FSTL5: variants seen among roughly 807,000 people sequenced by gnomAD.
FSTL5 encodes the protein follistatin-related protein 5.
Under a neutral mutation model 89.1 loss-of-function variants are expected in FSTL5, and 62 were observed. The ratio of observed to expected loss-of-function variants is 0.70; its 90% CI spans 0.57 to 0.86. The LOEUF (loss-of-function observed/expected upper bound fraction) is 0.86. Among genes scored for constraint, FSTL5 ranks in the 40% least tolerant of loss-of-function variants. The probability of loss-of-function intolerance (pLI) is 0.00; values close to 1 mark genes in which losing one functional copy is unlikely to be tolerated. For synonymous variants in FSTL5, 383 were observed against 346.2 expected (o/e 1.11, Z -1.18); for missense variants, 1,057 against 1,001.6 (o/e 1.06, Z -0.75).
rs760865732 is a variant in FSTL5 at position 161,459,227 on chromosome 4, T to G, written c.1701A>C (p.Thr567=). Reference sequence around the variant, plus strand: ...ATGTACTTACCTGTAGTGTTGGTGATGTCTTCTCCAAGGTACCCCAGCTTA... The same window carrying G: ...ATGTACTTACCTGTAGTGTTGGTGAGGTCTTCTCCAAGGTACCCCAGCTTA... ...WVLSWGTLEK[T]SPTLQVITLA... is the part of the protein sequence containing the mutation. Residue 567 remains threonine (T), a synonymous_variant, in exon 14 of 16, where the codon ACA becomes ACC. Transcript: ENST00000306100. The G allele has an allele frequency of 1.3e-6, 2 of 1,596,794 alleles. No homozygotes were observed. Among genetic ancestry groups the G allele is most frequent in the Non-Finnish European group, 1.7e-6 (2 of 1,164,348 alleles).
At chr4:161,808,823 T>C (rs1730052295) in intron 4 of FSTL5, among the ~76,000 whole-genome samples, 1 of 152,172 alleles carries the variant, frequency 6.6e-6, no homozygotes, top group Non-Finnish European at 1.5e-5. Context: ...AATCACTTGA[T>C]TTAAAAAGTG....
chr4:162,116,600 G>C (rs984732074), intron 1 of FSTL5, among the ~76,000 whole-genome samples: 28 of 152,094 alleles, frequency 1.8e-4, no homozygotes, highest in African/African-American at 6.8e-4. Flanking sequence ...GGCTACATCA[G>C]GAATAAGGGG....
intron 4 of FSTL5, among the ~76,000 whole-genome samples, chr4:161,890,569 C>A (rs988832359): frequency 1.3e-5 from 2 of 151,072 alleles, no homozygotes; most frequent in African/African-American, 4.9e-5. Flanking sequence ...GTGCCTATAA[C>A]CCCAGCTACT....
chr4:161,882,142 T>C (rs1251438075), intron 4 of FSTL5, among the ~76,000 whole-genome samples: 4 of 152,132 alleles, frequency 2.6e-5, no homozygotes, highest in African/African-American at 9.7e-5. Flanking sequence ...ATCTAATATA[T>C]TAAAGCCCTT....
In FSTL5 at chr4:161,836,230, C is replaced by G. The variant is rs144312840; in HGVS notation, c.410-60156G>C. ...CAAAAAAACAACCACTGCATATTCT[C>G]ACTCATAGGTGGGAATTGAACAATG... On this transcript the variant is annotated intron_variant, in intron 4 of 15. Transcript: ENST00000306100. Among the ~76,000 whole-genome samples, 455 of 141,974 alleles carry G rather than the reference C, an allele frequency of 3.2e-3. 5 individuals are homozygous for G. The highest frequency in any genetic ancestry group is 0.011 in the African/African-American group (427 of 37,798). 93.1% of individuals were successfully genotyped at this position (141,974 alleles called of 152,430 possible). A position where few individuals can be genotyped will look rare whatever the true frequency, so the allele number is the denominator to read the frequency against.
intron 3 of FSTL5, among the ~76,000 whole-genome samples, chr4:162,002,968 C>T (rs756774548): frequency 6.6e-6 from 1 of 151,916 alleles, no homozygotes; most frequent in African/African-American, 2.4e-5. Flanking sequence ...CACAGTGAAA[C>T]CCCGTCTCTA....
intron 7 of FSTL5, among the ~76,000 whole-genome samples, chr4:161,590,074 C>G (rs991032804): frequency 1.3e-5 from 2 of 151,962 alleles, no homozygotes; most frequent in East Asian, 1.9e-4. Context: ...ATACAACATA[C>G]CAAAGAAAAA....
At chr4:161,522,566 CATAT>C (rs1731075390) in intron 10 of FSTL5, among the ~76,000 whole-genome samples, 1 of 151,270 alleles carries the variant, frequency 6.6e-6, no homozygotes, top group African/African-American at 2.4e-5. Context: ...ATATTACATA[CATAT>C]ATAATTTTTT....
At chr4:161,559,215 G>A (rs1406628066) in intron 8 of FSTL5, among the ~76,000 whole-genome samples, 5 of 151,854 alleles carry the variant, frequency 3.3e-5, no homozygotes, top group Non-Finnish European at 7.4e-5. Flanking sequence ...CTGCATTGAT[G>A]TTTCTAATCT....
At chr4:161,635,881 G>A (rs1735670259) in intron 7 of FSTL5, among the ~76,000 whole-genome samples, 2 of 152,104 alleles carry the variant, frequency 1.3e-5, no homozygotes, top group South Asian at 2.1e-4. Flanking sequence ...GTAAAAAGCA[G>A]TAATTTGTAA....
rs1160079126 is a variant in FSTL5, at chr4:162,111,402, T to C, written c.-6A>G. The C allele has an allele frequency of 2.5e-6, 4 of 1,604,710 alleles. No individual in the cohort carries two copies. Among genetic ancestry groups the C allele is most frequent in the East Asian group, 2.2e-5 (1 of 44,692 alleles). ...ACTGACCAGCACTTAAACATCCTTA[T>C]TGCTTTTCACCTGTCAAAATTAAAA... On this transcript the variant is annotated 5_prime_UTR_variant, in exon 2 of 16. Coordinates refer to ENST00000306100, the MANE Select transcript of FSTL5 (RefSeq NM_020116.5).
intron 4 of FSTL5, among the ~76,000 whole-genome samples, chr4:161,913,538 T>G (rs1733757268): frequency 6.6e-6 from 1 of 152,112 alleles, no homozygotes; most frequent in Non-Finnish European, 1.5e-5. Flanking sequence ...CACCTAGATT[T>G]CAGAAGATGT....
At chr4:161,876,866 T>C (rs1344077072) in intron 4 of FSTL5, among the ~76,000 whole-genome samples, 2 of 152,160 alleles carry the variant, frequency 1.3e-5, no homozygotes, top group Non-Finnish European at 2.9e-5. Flanking sequence ...TCATATGTAA[T>C]ATTGTATTTA....
At chr4:162,041,411 T>A (rs183676003) in intron 2 of FSTL5, among the ~76,000 whole-genome samples, 1 of 152,012 alleles carries the variant, frequency 6.6e-6, no homozygotes, top group African/African-American at 2.4e-5. Flanking sequence ...TTTCAATGAT[T>A]CATGGAGAAA....
chr4:161,783,678 T>TTCCTTCCTTCCTTCCTTCCTTC (rs373481414), intron 4 of FSTL5, among the ~76,000 whole-genome samples: 1 of 10,630 alleles, frequency 9.4e-5, no homozygotes. Context: ...TCTTTCTTTC[T>TTCCTTCCTTCCTTCCTTCCTTC]CTTTCTTTCT....
intron 4 of FSTL5, among the ~76,000 whole-genome samples, chr4:161,857,214 GATC>G (rs1358744195): frequency 6.6e-6 from 1 of 152,098 alleles, no homozygotes; most frequent in Non-Finnish European, 1.5e-5. Context: ...TGGACTAGGT[GATC>G]ATGGTGAAAA....
At chr4:162,040,439 T>C (rs909978869) in intron 2 of FSTL5, among the ~76,000 whole-genome samples, 2 of 151,956 alleles carry the variant, frequency 1.3e-5, no homozygotes, top group African/African-American at 4.8e-5. Context: ...CAAAGCCACA[T>C]ACATACACAC....
chr4:161,817,034 G>A (rs1730345418), intron 4 of FSTL5, among the ~76,000 whole-genome samples: 1 of 152,100 alleles, frequency 6.6e-6, no homozygotes, highest in Non-Finnish European at 1.5e-5. Flanking sequence ...ATCAAATCAA[G>A]TAAGCAAATT....
At chr4:162,014,007 C>T (rs1414054791) in intron 3 of FSTL5, among the ~76,000 whole-genome samples, 5 of 152,090 alleles carry the variant, frequency 3.3e-5, no homozygotes, top group African/African-American at 9.7e-5. Flanking sequence ...CCACATCACT[C>T]GCAGAGCCTT....
Sources: gnomAD v4.1 joint callset for allele counts (sites outside exome capture counted in the v4.1 genomes callset) on GRCh38, gnomAD v4.1.1 for gene constraint, MANE v1.5 for transcripts, NCBI Gene and HGNC (gene_info 2026-07-23, HGNC 2026-07-21) for gene names.